The following WDFY1 variants were observed in gnomAD, a reference collection of about 807,000 sequenced individuals.
WDFY1 encodes the protein WD repeat and FYVE domain containing 1, also known as WD repeat and FYVE domain-containing protein 1.
Under a neutral mutation model 56.4 loss-of-function variants are expected in WDFY1, and 32 were observed. The ratio of observed to expected loss-of-function variants is 0.57; its 90% CI spans 0.43 to 0.76. The LOEUF is 0.76. Among genes scored for constraint, WDFY1 ranks in the 30% least tolerant of loss-of-function variants. WDFY1 has a pLI of 0.00. For synonymous variants in WDFY1, 192 were observed against 197.3 expected, an observed-to-expected ratio of 0.97 and a Z score of 0.23; for missense variants, 480 against 545.7, an observed-to-expected ratio of 0.88 and a Z score of 1.20.
At chr2:223,944,853 C>G (rs2106109171) in intron 1 of WDFY1, among the ~76,000 whole-genome samples, 1 of 149,382 alleles carries the variant, frequency 6.7e-6, no homozygotes. Context: ...GGGTCCCGGG[C>G]TTGGGCGGCG....
At chr2:223,924,465 G>A (rs1693946834) in intron 1 of WDFY1, among the ~76,000 whole-genome samples, 1 of 152,176 alleles carries the variant, frequency 6.6e-6, no homozygotes, top group African/African-American at 2.4e-5. Flanking sequence ...CTGGGTTCAA[G>A]CGATTCTCAT....
At chr2:223,926,937 G>C (rs1171574713) in intron 1 of WDFY1, among the ~76,000 whole-genome samples, 1 of 152,150 alleles carries the variant, frequency 6.6e-6, no homozygotes, top group Non-Finnish European at 1.5e-5. Flanking sequence ...CAAAGTGCTG[G>C]TATTACAGGT....
chr2:223,882,219 A>G, intron 9 of WDFY1, 147 bp from the exon 10 acceptor site: 1 of 1,075,546 alleles, frequency 9.3e-7, no homozygotes, highest in Non-Finnish European at 1.3e-6. Context: ...GGTTCTACCA[A>G]TTCTCCTGCC....
intron 1 of WDFY1, among the ~76,000 whole-genome samples, chr2:223,944,922 G>A (rs944924633): frequency 8.5e-5 from 13 of 152,114 alleles, no homozygotes; most frequent in Non-Finnish European, 1.5e-4. Flanking sequence ...CCGGGCTGGA[G>A]GGGCGCGGCG....
rs1273372829 is a variant in WDFY1 at position 223,876,617 on chromosome 2, T to C, written c.*2054A>G. On this transcript the variant is annotated 3_prime_UTR_variant, in exon 12 of 12. Transcript: ENST00000233055. ...ACCCCTTAGGAGGCACTATAATAAC[T>C]TTATGTTCCCATGGAACATAGGGTT... 1 of 152,128 alleles carries C rather than the reference T, an allele frequency of 6.6e-6. No homozygotes were observed. The highest frequency in any genetic ancestry group is 1.5e-5 in the Non-Finnish European group (1 of 68,006). The allele number at this position is 152,128 out of a possible 1,614,324, so 9.4% of individuals were successfully genotyped here. A position where few individuals can be genotyped will look rare whatever the true frequency, so the allele number is the denominator to read the frequency against.
At chr2:223,885,913 G>A (rs370758202) in intron 8 of WDFY1, among the ~76,000 whole-genome samples, 17 of 152,228 alleles carry the variant, frequency 1.1e-4, no homozygotes, top group East Asian at 5.8e-4. Flanking sequence ...CTTGGTGCAC[G>A]TTTCTTCTCC....
intron 1 of WDFY1, among the ~76,000 whole-genome samples, chr2:223,925,797 G>A (rs1330295775): frequency 6.6e-6 from 1 of 152,162 alleles, no homozygotes; most frequent in Admixed American, 6.5e-5. Context: ...ATTAGATGTT[G>A]ATTCCATCTC....
intron 5 of WDFY1, among the ~76,000 whole-genome samples, chr2:223,900,196 G>A (rs746037978): frequency 1.3e-5 from 2 of 152,208 alleles, no homozygotes; most frequent in Non-Finnish European, 2.9e-5. Context: ...ACTAGGGCAT[G>A]AACTGTGATT....
At chr2:223,884,899 ATGTG>A in intron 8 of WDFY1, 150 bp from the exon 9 acceptor site, 1 of 639,312 alleles carries the variant, frequency 1.6e-6, no homozygotes. Flanking sequence ...GGAGTGCAGT[ATGTG>A]TGATCTTGGC....
intron 1 of WDFY1, among the ~76,000 whole-genome samples, chr2:223,938,555 A>G (rs1165700531): frequency 6.6e-6 from 1 of 152,226 alleles, no homozygotes; most frequent in Non-Finnish European, 1.5e-5. Context: ...GCAAAATACT[A>G]ATGACTTCAT....
intron 2 of WDFY1, among the ~76,000 whole-genome samples, chr2:223,914,541 T>C (rs1479117383): frequency 1.3e-5 from 2 of 152,344 alleles, no homozygotes; most frequent in East Asian, 1.9e-4. Context: ...GAAGGCAGAA[T>C]TGAGTAAGTG....
At chr2:223,906,435 GAA>G (rs1268643025) in intron 3 of WDFY1, among the ~76,000 whole-genome samples, 2 of 152,178 alleles carry the variant, frequency 1.3e-5, no homozygotes, top group African/African-American at 4.8e-5. Context: ...TTTAGTGGGG[GAA>G]AGTACACCTA....
intron 3 of WDFY1, 130 bp from the exon 4 acceptor site, chr2:223,906,131 T>C (rs1342925991): frequency 1.5e-6 from 1 of 658,084 alleles, no homozygotes; most frequent in East Asian, 2.9e-5. Flanking sequence ...AGGCGAGTTA[T>C]TTAGGAATGA....
chr2:223,900,624 G>A (rs1693490989), intron 5 of WDFY1, among the ~76,000 whole-genome samples: 1 of 152,066 alleles, frequency 6.6e-6, no homozygotes. Context: ...TAAGGATTAT[G>A]GGTCCTCTCC....
At chr2:223,935,306 T>C (rs1447174013) in intron 1 of WDFY1, among the ~76,000 whole-genome samples, 2 of 152,234 alleles carry the variant, frequency 1.3e-5, no homozygotes, top group Non-Finnish European at 2.9e-5. Flanking sequence ...GACGGTGATC[T>C]GCTGTAGATT....
In WDFY1 at chr2:223,894,304, G is replaced by T. The variant is rs779766194; in HGVS notation, c.761C>A (p.Thr254Asn). The change falls in exon 8 of 12, where the codon ACC (threonine) becomes AAC (asparagine). Residue 254 changes from threonine (T) to asparagine (N), a missense_variant. Transcript: ENST00000233055. Reference protein sequence around the residue: ...KVQSLCYLQLTRQLVSCSSDG... With the variant: ...KVQSLCYLQLNRQLVSCSSDG... ...CGAGGAACAGGAGACGAGCTGCCTG[G>T]TGAGCTGAAGGTAGCACAGCGACTG... The T allele has an allele frequency of 1.2e-6, 2 of 1,614,192 alleles. No homozygotes were observed. The highest frequency in any genetic ancestry group is 2.2e-5 in the South Asian group (2 of 91,090).
intron 1 of WDFY1, among the ~76,000 whole-genome samples, chr2:223,942,991 A>C (rs1196219855): frequency 2.0e-5 from 3 of 150,594 alleles, no homozygotes; most frequent in African/African-American, 7.3e-5. Context: ...GACCATCCTG[A>C]CCAACATGGT....
chr2:223,917,941 ACAGGC>A lies in WDFY1; in HGVS notation c.202_205+1del. The A allele has an allele frequency of 6.2e-7, 1 of 1,614,138 alleles. No homozygotes were observed. The highest frequency in any genetic ancestry group is 8.5e-7 in the Non-Finnish European group (1 of 1,179,982). ...CTCAAATGGAACAGTTCAGCTACTT[ACAGGC>A]CATTGTGTGGTAAATGCTGGGCCAG... is the stretch of plus-strand genomic sequence containing the variant. On this transcript the variant is annotated splice_donor_variant and coding_sequence_variant, in exon 2 of 12. Transcript: ENST00000233055. LOFTEE classifies it high-confidence loss of function.
chr2:223,937,442 A>G (rs185335452), intron 1 of WDFY1, among the ~76,000 whole-genome samples: 2 of 152,348 alleles, frequency 1.3e-5, no homozygotes. Flanking sequence ...GGGAATGAAA[A>G]CAATAACAAC....
Sources: gnomAD v4.1 joint callset for allele counts (sites outside exome capture counted in the v4.1 genomes callset) on GRCh38, gnomAD v4.1.1 for gene constraint, MANE v1.5 for transcripts, NCBI Gene and HGNC (gene_info 2026-07-23, HGNC 2026-07-21) for gene names.